The following PRPF3 variants were observed in gnomAD, a reference collection of about 807,000 sequenced individuals.
The protein encoded by PRPF3 is pre-mRNA processing factor 3.
A neutral mutation model predicts 89.2 loss-of-function variants in PRPF3; 3 were observed. The observed-to-expected ratio is 0.03, with a 90% CI of 0.02 to 0.09. The LOEUF (loss-of-function observed/expected upper bound fraction) is 0.09. PRPF3 is among the 10% of genes least tolerant of loss of function. The probability of loss-of-function intolerance (pLI) is 1.00; values close to 1 mark genes in which losing one functional copy is unlikely to be tolerated. For synonymous variants in PRPF3, 270 were observed against 289.1 expected (o/e 0.93, Z 0.67); for missense variants, 463 against 828.8 (o/e 0.56, Z 5.42).
intron 4 of PRPF3, among the ~76,000 whole-genome samples, chr1:150,332,046 A>T (rs939412839): frequency 2.0e-5 from 3 of 151,944 alleles, no homozygotes; most frequent in Non-Finnish European, 4.4e-5. Context: ...AACAGGGTGA[A>T]ACCCCATCTC....
chr1:150,345,276 C>G (rs1294384288), intron 12 of PRPF3, among the ~76,000 whole-genome samples: 1 of 151,988 alleles, frequency 6.6e-6, no homozygotes, highest in Non-Finnish European at 1.5e-5. Flanking sequence ...TAGGTAATTG[C>G]TATTAACAGT....
intron 6 of PRPF3, among the ~76,000 whole-genome samples, chr1:150,333,482 G>A (rs1560096405): frequency 1.3e-5 from 2 of 152,102 alleles, no homozygotes; most frequent in South Asian, 4.2e-4. Flanking sequence ...CAGGAGAATC[G>A]CTTGAACACA....
chr1:150,322,438 C>T (rs7531539), intron 1 of PRPF3, among the ~76,000 whole-genome samples: 1 of 152,194 alleles, frequency 6.6e-6, no homozygotes, highest in Non-Finnish European at 1.5e-5. Context: ...GGCTCAGTGT[C>T]CCAACTGTTT....
intron 9 of PRPF3, among the ~76,000 whole-genome samples, 166 bp downstream of exon 9, chr1:150,340,643 G>C (rs1657593886): frequency 6.6e-6 from 1 of 151,936 alleles, no homozygotes; most frequent in Non-Finnish European, 1.5e-5. Context: ...TTTGTTGTTT[G>C]ACCAGTGAAC....
At chr1:150,351,583 C>T (rs1344365098) in intron 15 of PRPF3, among the ~76,000 whole-genome samples, 1 of 151,118 alleles carries the variant, frequency 6.6e-6, no homozygotes, top group African/African-American at 2.4e-5. Context: ...TCGCTACAGC[C>T]TTGAACTCCT....
In PRPF3 at chr1:150,333,141, A is replaced by T. The variant is rs1553866182; in HGVS notation, c.670A>T (p.Ile224Phe). The change falls in exon 6 of 16, where the codon ATC becomes TTC. Residue 224 changes from isoleucine (I) to phenylalanine (F), a missense_variant. Physicochemically the swap from Ile to Phe is conservative, Grantham distance 21. Coordinates refer to ENST00000324862, the MANE Select transcript of PRPF3 (RefSeq NM_004698.4). ...QAQLALKPGL[I>F]GNANMVGLAN... is the part of the protein sequence containing the mutation. ...CCAGCTGGCACTGAAGCCAGGACTC[A>T]TCGGCAATGCCAACATGGTGGGCCT... is the stretch of plus-strand genomic sequence containing the variant. 1 of 1,614,090 alleles carries T rather than the reference A, an allele frequency of 6.2e-7. No individual in the cohort carries two copies.
At chr1:150,324,641 C>T (rs1655499150) in intron 1 of PRPF3, among the ~76,000 whole-genome samples, 1 of 151,136 alleles carries the variant, frequency 6.6e-6, no homozygotes, top group East Asian at 1.9e-4. Context: ...AGCTCTACCT[C>T]CCTGGTTATT....
intron 4 of PRPF3, chr1:150,329,830 G>C (rs1370072424): frequency 6.6e-6 from 1 of 152,236 alleles, no homozygotes; most frequent in East Asian, 1.9e-4. Context: ...TGCGATCTCG[G>C]TTCACTGCAG....
intron 13 of PRPF3, 30 bp downstream of exon 13, chr1:150,346,166 C>A (rs1553872896): frequency 6.4e-7 from 1 of 1,559,408 alleles, no homozygotes; most frequent in Non-Finnish European, 8.8e-7. Flanking sequence ...GGGAGACTGT[C>A]CCCAGACAAC....
chr1:150,336,094 T>C (rs1196089114), intron 7 of PRPF3, among the ~76,000 whole-genome samples: 2 of 152,152 alleles, frequency 1.3e-5, no homozygotes, highest in South Asian at 2.1e-4. Context: ...TATTGTAATA[T>C]ATGATGAAAT....
chr1:150,346,242 C>A, intron 13 of PRPF3, 106 bp downstream of exon 13: 3 of 1,241,450 alleles, frequency 2.4e-6, no homozygotes, highest in South Asian at 1.2e-5. Context: ...AGTGCCATAC[C>A]TGATATAATA....
rs782219326 is a variant in PRPF3, at chr1:150,338,203, G to A, written c.1079G>A (p.Arg360Gln). ...KLQAEISQAA[R>Q]KTGIHTSTRL... The stretch of plus-strand genomic sequence containing the variant: ...CAGGCAGAGATTTCACAAGCAGCTC[G>A]AAAAACAGGCATCCATACTTCGACT... Residue 360 changes from arginine to glutamine, a missense_variant, in exon 8 of 16, where the codon CGA becomes CAA. Physicochemically the swap from Arg to Gln is conservative, Grantham distance 43. This residue lies in a region of PRPF3 where 261 missense variants were observed against 475.8 expected (regional missense o/e 0.55). Coordinates refer to ENST00000324862, the MANE Select transcript of PRPF3 (RefSeq NM_004698.4). 1.9e-6 allele frequency: 3 copies of A among 1,614,114 alleles called. No individual in the cohort carries two copies. Among genetic ancestry groups the A allele is most frequent in the Non-Finnish European group, 1.7e-6 (2 of 1,180,028 alleles).
chr1:150,329,156 A>G (rs375707421), intron 4 of PRPF3, among the ~76,000 whole-genome samples: 82 of 151,600 alleles, frequency 5.4e-4, no homozygotes, highest in African/African-American at 1.9e-3. Context: ...AAGCCTCCGG[A>G]GTAGCTGGGA....
At position 150,349,050 on chromosome 1, in the gene PRPF3, A is replaced by G. The variant is rs1049058450; in HGVS notation, c.1844-107A>G. 9.6e-6 allele frequency: 9 copies of G among 941,278 alleles called. No homozygotes were observed. The African/African-American group carries it at 1.5e-4, about 15-fold the overall frequency. The allele number at this position is 941,278 out of a possible 1,614,324, so 58.3% of individuals were successfully genotyped here. A position where few individuals can be genotyped will look rare whatever the true frequency, so the allele number is the denominator to read the frequency against. ...AACAGAAAAGAGAACACTTGGTCCA[A>G]CACATAAAAAGGGTGATAATATTTT... is the stretch of plus-strand genomic sequence containing the variant. On this transcript the variant is annotated intron_variant, in intron 14 of 15. Transcript: ENST00000324862.
intron 9 of PRPF3, among the ~76,000 whole-genome samples, chr1:150,342,148 G>A (rs1384883683): frequency 3.3e-5 from 5 of 151,754 alleles, no homozygotes; most frequent in Non-Finnish European, 7.4e-5. Flanking sequence ...TTGGGAGGCC[G>A]AGGCGGGCAG....
chr1:150,328,364 A>C lies in PRPF3; in HGVS notation c.321A>C (p.Gly107=). 6.2e-7 allele frequency: 1 copy of C among 1,613,972 alleles called. No homozygotes were observed. Among genetic ancestry groups the C allele is most frequent in the South Asian group, 1.1e-5 (1 of 91,084 alleles). ...CTGAGATCTCTAAAGAATCATCAGG[A>C]GTAAAGAAGCGACGAATACCCCGTT... is the stretch of plus-strand genomic sequence containing the variant. ...DDSEISKESS[G]VKKRRIPRFE... The change falls in exon 4 of 16, where the codon GGA becomes GGC. Residue 107 remains glycine, a synonymous_variant. Transcript: ENST00000324862.
At chr1:150,334,125 C>T (rs1199131724) in intron 6 of PRPF3, among the ~76,000 whole-genome samples, 2 of 151,740 alleles carry the variant, frequency 1.3e-5, no homozygotes, top group Non-Finnish European at 2.9e-5. Flanking sequence ...GGCAACATGG[C>T]AAAACCCCAT....
intron 3 of PRPF3, among the ~76,000 whole-genome samples, chr1:150,327,084 CT>C (rs1190175898): frequency 5.5e-4 from 82 of 148,818 alleles, no homozygotes; most frequent in South Asian, 3.0e-3. Flanking sequence ...TTTTTTTTTT[CT>C]AAGGGTGAGT....
intron 4 of PRPF3, among the ~76,000 whole-genome samples, chr1:150,329,266 G>A (rs950013425): frequency 3.9e-5 from 6 of 152,080 alleles, no homozygotes; most frequent in African/African-American, 1.4e-4. Context: ...CTGGCCTCAA[G>A]TGATCTGCCA....
Sources: gnomAD v4.1 joint callset for allele counts (sites outside exome capture counted in the v4.1 genomes callset) on GRCh38, gnomAD v4.1.1 for gene constraint, gnomAD v4.1.1 regional missense constraint, MANE v1.5 for transcripts, NCBI Gene and HGNC (gene_info 2026-07-23, HGNC 2026-07-21) for gene names.